The following SSBP3 variants were observed in gnomAD, a reference collection of about 807,000 sequenced individuals.
SSBP3 encodes single-stranded DNA-binding protein 3.
SSBP3 carries 5 observed loss-of-function variants against 69.6 expected under a neutral mutation model. That is an observed-to-expected ratio of 0.07 (90% CI 0.04 to 0.15). SSBP3 has a LOEUF of 0.15. Ranked by LOEUF, SSBP3 falls within the 10% of genes least tolerant of loss-of-function variation. The pLI is 1.00. For synonymous variants in SSBP3, 196 were observed against 193.4 expected (o/e 1.01, Z -0.11); for missense variants, 312 against 534.0 (o/e 0.58, Z 4.10).
At chr1:54,299,916 C>T (rs1053301983) in intron 4 of SSBP3, among the ~76,000 whole-genome samples, 1 of 152,186 alleles carries the variant, frequency 6.6e-6, no homozygotes, top group Admixed American at 6.5e-5. Flanking sequence ...CCCAGCTCCA[C>T]CGACATAATT....
At chr1:54,256,649 G>T (rs1248967799) in intron 7 of SSBP3, among the ~76,000 whole-genome samples, 1 of 152,186 alleles carries the variant, frequency 6.6e-6, no homozygotes, top group Non-Finnish European at 1.5e-5. Context: ...GCTGCATCCA[G>T]GCTCCTGATC....
chr1:54,370,195 C>T (rs1647105086), intron 4 of SSBP3, among the ~76,000 whole-genome samples: 1 of 152,132 alleles, frequency 6.6e-6, no homozygotes. Context: ...GGCTGGCTGT[C>T]AAGCAGGTAC....
chr1:54,315,867 G>A (rs1646088251), intron 4 of SSBP3, among the ~76,000 whole-genome samples: 1 of 151,868 alleles, frequency 6.6e-6, no homozygotes, highest in Non-Finnish European at 1.5e-5. Context: ...GCGCCATATT[G>A]CCCAGATTGG....
chr1:54,263,241 G>A (rs1645045614), intron 5 of SSBP3, among the ~76,000 whole-genome samples: 1 of 152,226 alleles, frequency 6.6e-6, no homozygotes, highest in Admixed American at 6.5e-5. Flanking sequence ...GGACTCTGCG[G>A]AAAAGCATTT....
At chr1:54,356,421 A>T (rs930756398) in intron 4 of SSBP3, 2 of 152,130 alleles carry the variant, frequency 1.3e-5, no homozygotes, top group African/African-American at 4.8e-5. Context: ...GCACCTGGCA[A>T]CTCCCAAGCG....
At chr1:54,305,855 T>C (rs1311592263) in intron 4 of SSBP3, among the ~76,000 whole-genome samples, 1 of 148,632 alleles carries the variant, frequency 6.7e-6, no homozygotes, top group Non-Finnish European at 1.5e-5. Context: ...GCTTTCTATC[T>C]AGCAGCCGTC....
intron 4 of SSBP3, among the ~76,000 whole-genome samples, chr1:54,301,418 C>T (rs1014625249): frequency 2.0e-5 from 3 of 152,232 alleles, no homozygotes; most frequent in African/African-American, 7.2e-5. Flanking sequence ...CCCTGAGTTT[C>T]TGCAGACTGT....
intron 4 of SSBP3, among the ~76,000 whole-genome samples, chr1:54,300,373 A>C (rs1158404924): frequency 6.6e-6 from 1 of 152,194 alleles, no homozygotes; most frequent in African/African-American, 2.4e-5. Context: ...CAGAGAGTGG[A>C]GAGTATCATC....
chr1:54,297,368 G>A (rs1378103846), intron 4 of SSBP3, among the ~76,000 whole-genome samples: 3 of 152,214 alleles, frequency 2.0e-5, no homozygotes, highest in African/African-American at 4.8e-5. Flanking sequence ...GGTGGCTCAC[G>A]CCTGTAATCC....
intron 4 of SSBP3, 68 bp from the exon 5 acceptor site, chr1:54,281,595 T>A: frequency 7.1e-7 from 1 of 1,412,476 alleles, no homozygotes; most frequent in Non-Finnish European, 9.8e-7. Context: ...TTCTGACCCC[T>A]GGACTTGGCT....
At chr1:54,362,741 T>A (rs1646968994) in intron 4 of SSBP3, among the ~76,000 whole-genome samples, 1 of 152,242 alleles carries the variant, frequency 6.6e-6, no homozygotes, top group African/African-American at 2.4e-5. Flanking sequence ...AGTTCTAGTT[T>A]ACCTTCTTAA....
At chr1:54,400,175 AAG>A (rs1378951341) in intron 4 of SSBP3, among the ~76,000 whole-genome samples, 2 of 152,332 alleles carry the variant, frequency 1.3e-5, no homozygotes, top group African/African-American at 4.8e-5. Flanking sequence ...CAAGTTGCCA[AAG>A]ACTCTCAAAT....
intron 13 of SSBP3, 44 bp downstream of exon 13, chr1:54,240,861 C>T: frequency 6.2e-7 from 1 of 1,612,344 alleles, no homozygotes; most frequent in Non-Finnish European, 8.5e-7. Context: ...ACATGCCCCA[C>T]CCTCCACCAC....
intron 14 of SSBP3, among the ~76,000 whole-genome samples, chr1:54,235,430 T>C (rs1171864447): frequency 6.7e-6 from 1 of 148,578 alleles, no homozygotes; most frequent in Non-Finnish European, 1.5e-5. Context: ...TATAGGCGTG[T>C]ACCACCATGC....
chr1:54,352,333 TGTTATCCTACTAA>T (rs927753004), intron 4 of SSBP3, among the ~76,000 whole-genome samples: 1 of 152,194 alleles, frequency 6.6e-6, no homozygotes, highest in Non-Finnish European at 1.5e-5. Flanking sequence ...GGAATTACCT[TGTTATCCTACTAA>T]GTGGCAATCT....
intron 4 of SSBP3, among the ~76,000 whole-genome samples, chr1:54,346,446 G>T (rs907913615): frequency 1.3e-5 from 2 of 152,138 alleles, no homozygotes; most frequent in African/African-American, 4.8e-5. Flanking sequence ...CCTATGCTGG[G>T]GGTTGAATTG....
rs368010285 is a variant in SSBP3, at chr1:54,365,557, G to A, written c.276+36304C>T. Among the ~76,000 whole-genome samples the A allele has an allele frequency of 2.4e-4, 37 of 152,286 alleles. 1 individual carries two copies. Among genetic ancestry groups the A allele is most frequent in the Middle Eastern group, 3.4e-3 (1 of 294 alleles). ...GCCTGAGCAGGTTAGGAGCTGGCAC[G>A]ATGTGAGGGAAGGCACATGCCCTCC... is the stretch of plus-strand genomic sequence containing the variant. On this transcript the variant is annotated intron_variant, in intron 4 of 17. Coordinates refer to ENST00000610401, the Ensembl canonical transcript of SSBP3.
intron 14 of SSBP3, among the ~76,000 whole-genome samples, chr1:54,234,617 A>G (rs1644453957): frequency 6.6e-6 from 1 of 152,164 alleles, no homozygotes; most frequent in African/African-American, 2.4e-5. Context: ...TAATAGGATT[A>G]ATGAAACAAA....
chr1:54,238,245 G>A (rs41294796), intron 14 of SSBP3: 4,901 of 471,088 alleles, frequency 0.01, 45 homozygotes, highest in Non-Finnish European at 0.017. Flanking sequence ...CCTCAGGAAC[G>A]GAGCCAACAA....
Sources: allele counts gnomAD v4.1 joint callset (sites outside exome capture counted in the v4.1 genomes callset), GRCh38; gene constraint gnomAD v4.1.1; transcripts MANE v1.5; gene names NCBI Gene and HGNC (gene_info 2026-07-23, HGNC 2026-07-21).